The following MYOM1 variants were observed in gnomAD, a reference collection of about 807,000 sequenced individuals.
MYOM1 encodes myomesin-1.
MYOM1 carries 164 observed loss-of-function variants against 205.3 expected under a neutral mutation model. That is an observed-to-expected ratio of 0.80 (90% CI 0.70 to 0.91). MYOM1 has a LOEUF of 0.91. Among genes scored for constraint, MYOM1 ranks in the 40% least tolerant of loss-of-function variants. MYOM1 has a pLI of 0.00. For missense variants in MYOM1, 2,011 were observed against 2,127.3 expected (o/e 0.95, Z 1.08); for synonymous variants, 772 against 789.4 (o/e 0.98, Z 0.37).
intron 5 of MYOM1, among the ~76,000 whole-genome samples, chr18:3,181,086 C>T (rs373459992): frequency 1.3e-5 from 2 of 152,136 alleles, no homozygotes; most frequent in African/African-American, 4.8e-5. Context: ...GCCACCACGT[C>T]CAGCTACTTT....
intron 19 of MYOM1, among the ~76,000 whole-genome samples, chr18:3,125,661 T>TG (rs1427972368): frequency 6.6e-6 from 1 of 152,126 alleles, no homozygotes; most frequent in African/African-American, 2.4e-5. Context: ...GGTGTTGAGT[T>TG]GGGGCAGCTG....
At chr18:3,147,112 T>TTC in intron 13 of MYOM1, among the ~76,000 whole-genome samples, 1 of 140,452 alleles carries the variant, frequency 7.1e-6, no homozygotes, top group Non-Finnish European at 1.6e-5. Context: ...ATATATATAT[T>TTC]TATATATAAA....
chr18:3,197,907 T>C (rs2144193848), intron 2 of MYOM1, among the ~76,000 whole-genome samples: 1 of 152,240 alleles, frequency 6.6e-6, no homozygotes, highest in Non-Finnish European at 1.5e-5. Context: ...GAAATGTTAC[T>C]ATTTCGTTCT....
In MYOM1 at chr18:3,094,170, C is replaced by T. The variant is rs753756333; in HGVS notation, c.3864G>A (p.Pro1288=). The T allele has an allele frequency of 1.1e-5, 17 of 1,613,662 alleles. No homozygotes were observed. Among genetic ancestry groups the T allele is most frequent in the Admixed American group, 3.3e-5 (2 of 60,006 alleles). ...IFNEKEIFEG[P]KYKMHIDRNT... ...AAAGTCTAAACAGTGTAAAACCTAC[C>T]GGGCCTTCAAAAATTTCCTTCTCGT... Residue 1288 remains proline (P), a splice_region_variant and synonymous_variant, in exon 26 of 38, where the codon CCG becomes CCA. Coordinates refer to ENST00000356443, the MANE Select transcript of MYOM1 (RefSeq NM_003803.4).
chr18:3,176,616 A>T (rs1162859331), intron 5 of MYOM1, among the ~76,000 whole-genome samples: 1 of 152,208 alleles, frequency 6.6e-6, no homozygotes, highest in African/African-American at 2.4e-5. Flanking sequence ...AAAGCAATTC[A>T]TTTGTAAAAG....
intron 21 of MYOM1, among the ~76,000 whole-genome samples, chr18:3,113,315 T>C (rs80158269): frequency 0.87 from 127,591 of 146,532 alleles, 55,968 homozygotes; most frequent in East Asian, 0.98. Flanking sequence ...TATATATATA[T>C]ATATATATAT....
the MYOM1 span, chr18:3,245,870 C>T: frequency 6.6e-6 from 1 of 152,198 alleles, no homozygotes; most frequent in Non-Finnish European, 1.5e-5. Context: ...ACTAACTGTA[C>T]TGCAATTATT....
chr18:3,179,192 T>C lies in MYOM1; in HGVS notation c.930-3058A>G, dbSNP rs2080692691. On this transcript the variant is annotated intron_variant, in intron 5 of 37. Coordinates refer to ENST00000356443, the MANE Select transcript of MYOM1 (RefSeq NM_003803.4). This position sits in a 1 kb window ranked among gnomAD's most constrained non-coding sequence, Gnocchi z 4.4. Reference sequence around the variant, plus strand: ...CCTGATCCACATTTACTTCTATTCCTACTCCTGAGGAAGAATGAGTCATGG... The same window carrying C: ...CCTGATCCACATTTACTTCTATTCCCACTCCTGAGGAAGAATGAGTCATGG... Among the ~76,000 whole-genome samples, 1 of 152,054 alleles carries C rather than the reference T, an allele frequency of 6.6e-6. No homozygotes were observed. Among genetic ancestry groups the C allele is most frequent in the Non-Finnish European group, 1.5e-5 (1 of 68,024 alleles).
At chr18:3,174,043 G>A (rs141583465) in intron 7 of MYOM1, 43 bp from the exon 8 acceptor site, 117 of 1,608,550 alleles carry the variant, frequency 7.3e-5, no homozygotes, top group Non-Finnish European at 9.4e-5. Flanking sequence ...CTTTGTGATC[G>A]ATTTATTTTA....
intron 33 of MYOM1, among the ~76,000 whole-genome samples, chr18:3,079,885 T>C (rs1279575511): frequency 6.6e-6 from 1 of 152,148 alleles, no homozygotes; most frequent in Non-Finnish European, 1.5e-5. Context: ...AAAGCAGAGT[T>C]GCCGCCAACA....
At chr18:3,123,642 T>G (rs1013581774) in intron 19 of MYOM1, among the ~76,000 whole-genome samples, 6 of 151,638 alleles carry the variant, frequency 4.0e-5, no homozygotes, top group Admixed American at 1.3e-4. Context: ...TTATTGTTGT[T>G]TTCTTTTGTT....
chr18:3,228,269 T>A, the MYOM1 span, among the ~76,000 whole-genome samples: 1 of 152,208 alleles, frequency 6.6e-6, no homozygotes, highest in Non-Finnish European at 1.5e-5. The surrounding 1 kb of genome is among the most constrained non-coding windows in gnomAD (Gnocchi z 4.5). Flanking sequence ...TCAGCATACC[T>A]GCCCTTTGCT....
At chr18:3,124,918 G>A (rs753421329) in intron 19 of MYOM1, among the ~76,000 whole-genome samples, 2 of 152,124 alleles carry the variant, frequency 1.3e-5, no homozygotes, top group African/African-American at 4.8e-5. Flanking sequence ...AGATGTATGC[G>A]ACTTACAGAC....
chr18:3,083,978 G>T lies in MYOM1; in HGVS notation c.4378+11C>A. The T allele has an allele frequency of 6.3e-7, 1 of 1,588,478 alleles. No homozygotes were observed. The highest frequency in any genetic ancestry group is 8.6e-7 in the Non-Finnish European group (1 of 1,165,848). ...ATAAAGCATTGTTGTGGTGCGAAAT[G>T]TTTGACTCACCTATTTTTTTGCATA... On this transcript the variant is annotated intron_variant, in intron 32 of 37. Coordinates refer to ENST00000356443, the MANE Select transcript of MYOM1 (RefSeq NM_003803.4).
At position 3,135,788 on chromosome 18, in the gene MYOM1, G is replaced by A; in HGVS notation, c.2026-58C>T. The A allele has an allele frequency of 6.3e-7, 1 of 1,584,790 alleles. No homozygotes were observed. Among genetic ancestry groups the A allele is most frequent in the South Asian group, 1.1e-5 (1 of 88,926 alleles). On this transcript the variant is annotated intron_variant, in intron 14 of 37. Coordinates refer to ENST00000356443, the MANE Select transcript of MYOM1 (RefSeq NM_003803.4). This position sits in a 1 kb window ranked among gnomAD's most constrained non-coding sequence, Gnocchi z 4.1. ...ACAGCAAACACAAGCGAGAATCCAG[G>A]CCAGGCAACTCCAAGTTTCATTCAT...
At chr18:3,075,869 T>A in intron 34 of MYOM1, 108 bp from the exon 35 acceptor site, 2 of 964,236 alleles carry the variant, frequency 2.1e-6, no homozygotes, top group Non-Finnish European at 3.2e-6. Context: ...CAGACATGAC[T>A]AAACCGACTT....
chr18:3,186,162 T>A (rs1250013873), intron 5 of MYOM1, among the ~76,000 whole-genome samples: 2 of 151,956 alleles, frequency 1.3e-5, no homozygotes, highest in African/African-American at 4.8e-5. Context: ...CATCACTGCA[T>A]TCCAGCCTGG....
intron 2 of MYOM1, among the ~76,000 whole-genome samples, chr18:3,212,989 T>G (rs1598775926): frequency 1.3e-5 from 2 of 152,366 alleles, no homozygotes; most frequent in South Asian, 4.1e-4. Context: ...TGTTCCATTT[T>G]AATGGAATTT....
intron 21 of MYOM1, among the ~76,000 whole-genome samples, chr18:3,115,691 G>A (rs1053236379): frequency 7.2e-5 from 11 of 152,166 alleles, no homozygotes; most frequent in African/African-American, 2.2e-4. Flanking sequence ...ATATTCTTTC[G>A]AAATTTCCTT....
Sources: allele counts gnomAD v4.1 joint callset (sites outside exome capture counted in the v4.1 genomes callset), GRCh38; gene constraint gnomAD v4.1.1; non-coding constraint Gnocchi (gnomAD v3.1); transcripts MANE v1.5; gene names NCBI Gene and HGNC (gene_info 2026-07-23, HGNC 2026-07-21).